Variants in XYLB observed in about 807,000 individuals in gnomAD.
XYLB encodes the protein xylulose kinase.
A neutral mutation model predicts 78.7 loss-of-function variants in XYLB; 62 were observed. That is an observed-to-expected ratio of 0.79 (90% confidence interval 0.64 to 0.97). The LOEUF (loss-of-function observed/expected upper bound fraction) is 0.97, where lower values mean the gene tolerates loss of function less well. XYLB is among the 50% of genes least tolerant of loss of function. The pLI, the probability that XYLB is intolerant of heterozygous loss-of-function variation, is 0.00. For missense variants in XYLB, 687 were observed against 676.8 expected, an observed-to-expected ratio of 1.02 and a Z score of -0.17; for synonymous variants, 245 against 247.4, an observed-to-expected ratio of 0.99 and a Z score of 0.09.
In XYLB at chr3:38,400,911, G is replaced by A. The variant is rs2234627; in HGVS notation, c.1459G>A (p.Val487Met). 642 of 1,614,166 alleles carry A rather than the reference G, an allele frequency of 4.0e-4. 2 individuals carry two copies. The African/African-American group carries it at 6.7e-3, about 17-fold the overall frequency. ...TCTAGGTCTTGCAGGTGGAACAGAT[G>A]TGCCCTTTTCAGAGGTTGTGAAGTT... ...AFHGLAGGTD[V>M]PFSEVVKLAP... Residue 487 changes from valine to methionine, a missense_variant, in exon 18 of 19, where the codon GTG becomes ATG. Coordinates refer to ENST00000207870, the MANE Select transcript of XYLB (RefSeq NM_005108.4).
intron 14 of XYLB, 110 bp downstream of exon 14, chr3:38,377,101 C>T (rs1575492586): frequency 3.2e-6 from 3 of 951,466 alleles, no homozygotes; most frequent in East Asian, 2.5e-5. Context: ...ATTCACTCAT[C>T]CATTAATATC....
downstream of XYLB, among the ~76,000 whole-genome samples, chr3:38,424,232 G>C (rs561622423): frequency 6.6e-6 from 1 of 152,294 alleles, no homozygotes; most frequent in East Asian, 1.9e-4. Context: ...GCAAGATCTT[G>C]TAGAATGGCT....
chr3:38,376,912 T>C lies in XYLB; in HGVS notation c.1121-6T>C, dbSNP rs201880677. On this transcript the variant is annotated splice_region_variant and splice_polypyrimidine_tract_variant and intron_variant, in intron 13 of 18. Coordinates refer to ENST00000207870, the MANE Select transcript of XYLB (RefSeq NM_005108.4). ...GACGGCTGATCTCTTCCTGGTTTTATTTCAGGTTTTTATTTTGATGTAATG... is the reference window on the plus strand; with the variant it reads ...GACGGCTGATCTCTTCCTGGTTTTACTTCAGGTTTTTATTTTGATGTAATG... 2 of 1,613,276 alleles carry C rather than the reference T, an allele frequency of 1.2e-6. No individual in the cohort carries two copies. The highest frequency in any genetic ancestry group is 1.7e-6 in the Non-Finnish European group (2 of 1,179,346).
At chr3:38,451,155 A>G in the XYLB span, 1 of 152,230 alleles carries the variant, frequency 6.6e-6, no homozygotes, top group Non-Finnish European at 1.5e-5. Context: ...AATATGTAAG[A>G]AAACAGGAAC....
chr3:38,449,986 T>C, the XYLB span, among the ~76,000 whole-genome samples: 10 of 152,152 alleles, frequency 6.6e-5, no homozygotes, highest in South Asian at 2.1e-4. Flanking sequence ...AGAAAATAAA[T>C]AAGGCAAAGA....
intron 2 of XYLB, among the ~76,000 whole-genome samples, chr3:38,355,293 C>A (rs1367108650): frequency 6.6e-6 from 1 of 152,202 alleles, no homozygotes; most frequent in Non-Finnish European, 1.5e-5. Context: ...CAGCCCCTAG[C>A]TACTGTTAGC....
At chr3:38,437,257 A>T in the XYLB span, among the ~76,000 whole-genome samples, 1 of 152,132 alleles carries the variant, frequency 6.6e-6, no homozygotes, top group Admixed American at 6.5e-5. Flanking sequence ...CAATGAAGGA[A>T]CATACCTCAA....
chr3:38,418,214 G>GAT (rs1261040938), downstream of XYLB, among the ~76,000 whole-genome samples: 1,010 of 136,748 alleles, frequency 7.4e-3, 9 homozygotes, highest in African/African-American at 0.023. Flanking sequence ...AAAAAAAAAA[G>GAT]ATATATATAT....
the XYLB span, among the ~76,000 whole-genome samples, chr3:38,428,785 C>A: frequency 6.9e-4 from 105 of 152,278 alleles, no homozygotes; most frequent in African/African-American, 2.4e-3. Flanking sequence ...AATCCCACAT[C>A]TTACTATTTG....
intron 17 of XYLB, among the ~76,000 whole-genome samples, chr3:38,398,867 CAA>C (rs202076058): frequency 1.2e-3 from 173 of 141,432 alleles, no homozygotes; most frequent in African/African-American, 3.8e-3. Context: ...TACTAAAATA[CAA>C]AAAAAAAAAG....
At chr3:38,397,982 C>A (rs1256427180) in intron 17 of XYLB, among the ~76,000 whole-genome samples, 1 of 151,226 alleles carries the variant, frequency 6.6e-6, no homozygotes, top group African/African-American at 2.4e-5. Flanking sequence ...CCATGCCCAG[C>A]TAATTTTTTG....
chr3:38,374,546 C>G (rs1285732132), intron 11 of XYLB, 44 bp downstream of exon 11: 1 of 1,612,594 alleles, frequency 6.2e-7, no homozygotes, highest in South Asian at 1.1e-5. Context: ...TGTTTCCACA[C>G]TCACACCCAC....
intron 7 of XYLB, among the ~76,000 whole-genome samples, chr3:38,367,783 G>A (rs554834830): frequency 5.9e-5 from 9 of 152,290 alleles, no homozygotes; most frequent in African/African-American, 2.2e-4. Flanking sequence ...TGTCCTGGTT[G>A]GTTCTGAGGC....
downstream of XYLB, among the ~76,000 whole-genome samples, chr3:38,415,405 T>C (rs1254647436): frequency 6.6e-6 from 1 of 152,160 alleles, no homozygotes; most frequent in Non-Finnish European, 1.5e-5. Context: ...GACATGACCA[T>C]TGAATATCTT....
At chr3:38,430,368 T>A in the XYLB span, among the ~76,000 whole-genome samples, 7 of 152,262 alleles carry the variant, frequency 4.6e-5, no homozygotes, top group Non-Finnish European at 8.8e-5. Flanking sequence ...GAGAAGTGTC[T>A]GTTCATATCC....
chr3:38,397,254 C>A, intron 17 of XYLB, 95 bp downstream of exon 17: 2 of 1,189,734 alleles, frequency 1.7e-6, no homozygotes, highest in South Asian at 1.2e-5. Context: ...TGTACCCAGT[C>A]TTTGGGGACA....
intron 12 of XYLB, 32 bp from the exon 13 acceptor site, chr3:38,376,085 T>G: frequency 6.8e-7 from 1 of 1,463,734 alleles, no homozygotes. Context: ...AAGCACCAGC[T>G]CCCTCCCTCA....
At chr3:38,424,388 C>A (rs1709060279), downstream of XYLB, among the ~76,000 whole-genome samples, 1 of 152,136 alleles carries the variant, frequency 6.6e-6, no homozygotes, top group African/African-American at 2.4e-5. Context: ...GGCACAAATA[C>A]AAAAAGCCTT....
At chr3:38,439,343 C>A in the XYLB span, among the ~76,000 whole-genome samples, 1 of 152,256 alleles carries the variant, frequency 6.6e-6, no homozygotes, top group South Asian at 2.1e-4. Flanking sequence ...AGCCTCGATC[C>A]TACAGGAACC....
Sources: gnomAD v4.1 joint callset for allele counts (sites outside exome capture counted in the v4.1 genomes callset) on GRCh38, gnomAD v4.1.1 for gene constraint, MANE v1.5 for transcripts, NCBI Gene and HGNC (gene_info 2026-07-23, HGNC 2026-07-21) for gene names.